MED6: variants seen among roughly 807,000 people sequenced by gnomAD.
MED6 encodes the protein mediator of RNA polymerase II transcription subunit 6.
MED6 carries 33 observed loss-of-function variants against 37.5 expected under a neutral mutation model. The ratio of observed to expected loss-of-function variants is 0.88; its 90% confidence interval spans 0.67 to 1.18. The LOEUF is 1.18. Among genes scored for constraint, MED6 ranks in the 50% most tolerant of loss-of-function variants. The pLI, the probability that MED6 is intolerant of heterozygous loss-of-function variation, is 0.00. For synonymous variants in MED6, 94 were observed against 93.6 expected, an observed-to-expected ratio of 1.00 and a Z score of -0.02; for missense variants, 235 against 290.6, an observed-to-expected ratio of 0.81 and a Z score of 1.39.
intron 6 of MED6, among the ~76,000 whole-genome samples, chr14:70,589,211 T>C (rs1270398031): frequency 6.6e-6 from 1 of 152,164 alleles, no homozygotes; most frequent in Non-Finnish European, 1.5e-5. Flanking sequence ...CTTTGTCCAA[T>C]CTCTCCAAAT....
chr14:70,593,703 G>A lies in MED6; in HGVS notation c.275-325C>T, dbSNP rs77614842. Among the ~76,000 whole-genome samples, 821 of 150,854 alleles carry A rather than the reference G, an allele frequency of 5.4e-3. 4 individuals are homozygous for A. The highest frequency in any genetic ancestry group is 0.019 in the African/African-American group (757 of 40,216). On this transcript the variant is annotated intron_variant, in intron 3 of 7. Coordinates refer to ENST00000256379, the MANE Select transcript of MED6 (RefSeq NM_005466.4). Reference sequence around the variant, plus strand: ...ATTTTAATGTGCATCTGAATTACCTGGGGACCTTGTTAAAATTAGATTCTT... The same window carrying A: ...ATTTTAATGTGCATCTGAATTACCTAGGGACCTTGTTAAAATTAGATTCTT...
chr14:70,589,369 C>T (rs1884806101), intron 6 of MED6, among the ~76,000 whole-genome samples: 1 of 152,174 alleles, frequency 6.6e-6, no homozygotes, highest in South Asian at 2.1e-4. Context: ...CCCCCCCATA[C>T]TGTTACTAGT....
At chr14:70,586,471 AAAC>A (rs564344681) in intron 6 of MED6, among the ~76,000 whole-genome samples, 13 of 152,136 alleles carry the variant, frequency 8.5e-5, no homozygotes, top group African/African-American at 1.9e-4. Flanking sequence ...CCATGTTTAA[AAAC>A]AACAACAACA....
In MED6 at chr14:70,584,769, T is replaced by A; in HGVS notation, c.*44A>T. ...CAAGAGCCACAGTACTGAGGTATGA[T>A]AACTAGCATGAGGAGTCTTCCAGGC... On this transcript the variant is annotated 3_prime_UTR_variant, in exon 8 of 8. Transcript: ENST00000256379. 1 of 1,598,584 alleles carries A rather than the reference T, an allele frequency of 6.3e-7. No homozygotes were observed. The highest frequency in any genetic ancestry group is 8.5e-7 in the Non-Finnish European group (1 of 1,174,628).
intron 6 of MED6, among the ~76,000 whole-genome samples, chr14:70,587,292 G>C (rs1233884008): frequency 2.6e-5 from 4 of 151,998 alleles, no homozygotes; most frequent in Non-Finnish European, 5.9e-5. Context: ...ATACATCCTT[G>C]CTATATTATA....
At position 70,600,646 on chromosome 14, in the gene MED6, G is replaced by A. The variant is rs758723694; in HGVS notation, c.-9C>T. 8 of 1,613,052 alleles carry A rather than the reference G, an allele frequency of 5.0e-6. No individual in the cohort carries two copies. The highest frequency in any genetic ancestry group is 5.9e-6 in the Non-Finnish European group (7 of 1,179,922). ...ATATCCACCGCCGCCATAATTCCGA[G>A]AGCGTTTACAGGTTCTCTTTCCGGC... On this transcript the variant is annotated 5_prime_UTR_variant, in exon 1 of 8. Coordinates refer to ENST00000256379, the MANE Select transcript of MED6 (RefSeq NM_005466.4).
intron 3 of MED6, chr14:70,595,521 G>A: frequency 1.5e-6 from 1 of 684,156 alleles, no homozygotes; most frequent in Non-Finnish European, 2.6e-6. Context: ...GGAGGTGGAG[G>A]CCTGCTATAC....
chr14:70,592,795 G>C (rs1884919934), intron 5 of MED6, 85 bp downstream of exon 5: 7 of 1,469,982 alleles, frequency 4.8e-6, no homozygotes, highest in Non-Finnish European at 6.5e-6. Flanking sequence ...ACTTAGAAAA[G>C]ATCAACAGCC....
rs574605762 is a variant in MED6, at chr14:70,595,061, C to T, written c.274+1550G>A. 11 of 550,944 alleles carry T rather than the reference C, an allele frequency of 2.0e-5. No individual in the cohort carries two copies. In the African/African-American group the frequency reaches 2.1e-4, roughly 10 times the overall value. The allele number at this position is 550,944 out of a possible 1,614,324, so 34.1% of individuals were successfully genotyped here. ...GCTGCTGATAGAGTCAAGTATGAGA[C>T]AGAGCTGGCCATGTATCAGTCTGTG... On this transcript the variant is annotated intron_variant, in intron 3 of 7. Transcript: ENST00000256379.
chr14:70,596,590 C>T (rs1234000671), intron 3 of MED6, 21 bp downstream of exon 3: 1 of 1,560,854 alleles, frequency 6.4e-7, no homozygotes, highest in Admixed American at 1.7e-5. Context: ...GAAAACAATG[C>T]CTAAAGTTTA....
rs950438730 is a variant in MED6, at chr14:70,585,784, C to T, written c.583-1G>A. The T allele has an allele frequency of 1.3e-6, 2 of 1,599,854 alleles. No individual in the cohort carries two copies. The highest frequency in any genetic ancestry group is 2.7e-5 in the African/African-American group (2 of 73,990). ...GAACAGGCTTTTCTCCAGGCTTTAG[C>T]TATAATTTTTTAGAAAAAAGGGAGG... On this transcript the variant is annotated splice_acceptor_variant, in intron 6 of 7. Coordinates refer to ENST00000256379, the MANE Select transcript of MED6 (RefSeq NM_005466.4). LOFTEE classifies it high-confidence loss of function.
At position 70,584,955 on chromosome 14, in the gene MED6, A is replaced by C. The variant is rs761261050; in HGVS notation, c.611-12T>G. 6.8e-5 allele frequency: 110 copies of C among 1,610,708 alleles called. No individual in the cohort carries two copies. The highest frequency in any genetic ancestry group is 8.3e-5 in the Non-Finnish European group (98 of 1,179,104). On this transcript the variant is annotated splice_polypyrimidine_tract_variant and intron_variant, in intron 7 of 7. Coordinates refer to ENST00000256379, the MANE Select transcript of MED6 (RefSeq NM_005466.4). ...CTTTGTTTGATCCACTAGATATCAAAAGTAGATTTTTTGGGAGGGAGATAT... is the reference window on the plus strand; with the variant it reads ...CTTTGTTTGATCCACTAGATATCAACAGTAGATTTTTTGGGAGGGAGATAT...
chr14:70,599,905 G>A (rs1885154845), intron 1 of MED6, among the ~76,000 whole-genome samples: 1 of 151,544 alleles, frequency 6.6e-6, no homozygotes, highest in African/African-American at 2.4e-5. Context: ...TAATAAATGT[G>A]TTAGACCCCA....
Position 70,584,938 on chromosome 14 carries a change from G to C in MED6, c.616C>G (p.Gln206Glu). 1.2e-6 allele frequency: 2 copies of C among 1,612,618 alleles called. No homozygotes were observed. The highest frequency in any genetic ancestry group is 8.5e-7 in the Non-Finnish European group (1 of 1,179,618). ...ATAGGTTCTGCCTCTTTCTTTGTTT[G>C]ATCCACTAGATATCAAAAGTAGATT... ...KPGEKPVPVD[Q>E]TKKEAEPIPE... Residue 206 changes from glutamine (Q) to glutamate (E), a missense_variant, in exon 8 of 8, where the codon CAA becomes GAA. By Grantham distance (29) the Gln-to-Glu change is conservative. Coordinates refer to ENST00000256379, the MANE Select transcript of MED6 (RefSeq NM_005466.4).
chr14:70,599,706 TAA>T (rs768300431), intron 1 of MED6, among the ~76,000 whole-genome samples: 1 of 150,784 alleles, frequency 6.6e-6, no homozygotes, highest in Non-Finnish European at 1.5e-5. Context: ...GAATTATAAG[TAA>T]AACATTTTAT....
intron 6 of MED6, among the ~76,000 whole-genome samples, chr14:70,589,069 T>A (rs886458746): frequency 1.3e-5 from 2 of 152,112 alleles, no homozygotes; most frequent in Non-Finnish European, 2.9e-5. Context: ...TACCGAATGT[T>A]CTTTAGGTCG....
In MED6 at chr14:70,584,449, C is replaced by G; in HGVS notation, c.*364G>C. On this transcript the variant is annotated 3_prime_UTR_variant, in exon 8 of 8. Transcript: ENST00000256379. ...GAGTGCAACAGCATGATAATCAGCT[C>G]AGGGCAACCTCCACCTCCCGGGTTC... The G allele has an allele frequency of 3.0e-6, 1 of 336,390 alleles. No individual in the cohort carries two copies. The highest frequency in any genetic ancestry group is 5.4e-6 in the Non-Finnish European group (1 of 185,362). 20.8% of individuals were successfully genotyped at this position (336,390 alleles called of 1,614,324 possible). A position where few individuals can be genotyped will look rare whatever the true frequency, so the allele number is the denominator to read the frequency against.
chr14:70,592,778 G>A, intron 5 of MED6, 102 bp downstream of exon 5: 1 of 1,332,008 alleles, frequency 7.5e-7, no homozygotes, highest in Non-Finnish European at 1.0e-6. Flanking sequence ...ATGAAAAAGT[G>A]AAACACACTT....
chr14:70,585,316 C>T (rs1298214480), intron 7 of MED6, among the ~76,000 whole-genome samples: 1 of 152,190 alleles, frequency 6.6e-6, no homozygotes, highest in Admixed American at 6.5e-5. Context: ...GTGGCTTCCT[C>T]ACACCTCCTC....
Sources: gnomAD v4.1 joint callset for allele counts (sites outside exome capture counted in the v4.1 genomes callset) on GRCh38, gnomAD v4.1.1 for gene constraint, MANE v1.5 for transcripts, NCBI Gene and HGNC (gene_info 2026-07-23, HGNC 2026-07-21) for gene names.